Variants in SLC1A7 observed in about 807,000 individuals in gnomAD.
SLC1A7 encodes the protein solute carrier family 1 member 7.
In SLC1A7, 40 loss-of-function variants were observed where a neutral mutation model predicts 47.7. The observed-to-expected ratio is 0.84, with a 90% confidence interval of 0.65 to 1.09. The LOEUF is 1.09. SLC1A7 is among the 50% of genes least tolerant of loss of function. The probability of loss-of-function intolerance (pLI) is 0.00; values close to 1 mark genes in which losing one functional copy is unlikely to be tolerated. For missense variants in SLC1A7, 746 were observed against 769.5 expected (o/e 0.97, Z 0.36); for synonymous variants, 323 against 325.6 (o/e 0.99, Z 0.09).
chr1:53,092,352 G>A (rs770518170), intron 7 of SLC1A7, among the ~76,000 whole-genome samples: 3 of 152,236 alleles, frequency 2.0e-5, no homozygotes, highest in East Asian at 3.8e-4. Flanking sequence ...GACTGGGGCC[G>A]TGGGGGAAGG....
At position 53,124,292 on chromosome 1, in the gene SLC1A7, C is replaced by T. The variant is rs1429030331; in HGVS notation, c.216-9319G>A. Among the ~76,000 whole-genome samples, 3 of 142,684 alleles carry T rather than the reference C, an allele frequency of 2.1e-5. No individual in the cohort carries two copies. The East Asian group carries it at 6.1e-4, about 29-fold the overall frequency. The allele number at this position is 142,684 out of a possible 152,430, so 93.6% of individuals were successfully genotyped here. On this transcript the variant is annotated intron_variant, in intron 2 of 10. Coordinates refer to ENST00000371494, the MANE Select transcript of SLC1A7 (RefSeq NM_006671.6). ...CACACACACACACACACACACACAA[C>T]ACAGCTTCACAGACAAACCCACACC... is the stretch of plus-strand genomic sequence containing the variant.
At position 53,094,385 on chromosome 1, in the gene SLC1A7, GGGA is replaced by G. The variant is rs1644460451; in HGVS notation, c.698-828_698-826del. Among the ~76,000 whole-genome samples, 38 of 152,340 alleles carry G rather than the reference GGGA, an allele frequency of 2.5e-4. No homozygotes were observed. The South Asian group carries it at 7.9e-3, about 32-fold the overall frequency. On this transcript the variant is annotated intron_variant, in intron 5 of 10. Coordinates refer to ENST00000371494, the MANE Select transcript of SLC1A7 (RefSeq NM_006671.6). ...GCTCTGTCAGGCCAGTCCTGAAACA[GGGA>G]CTGAGTGGCTGCCCTACCTCCTGGT...
At position 53,087,770 on chromosome 1, in the gene SLC1A7, T is replaced by C; in HGVS notation, c.*239A>G. On this transcript the variant is annotated 3_prime_UTR_variant, in exon 11 of 11. Transcript: ENST00000371494. Reference sequence around the variant, plus strand: ...CTCACCGGGCTCACACCGGGGAAACTGTCACAGCGGGGCCTCAGGCAATGC... The same window carrying C: ...CTCACCGGGCTCACACCGGGGAAACCGTCACAGCGGGGCCTCAGGCAATGC... 1 of 355,854 alleles carries C rather than the reference T, an allele frequency of 2.8e-6. No individual in the cohort carries two copies. The highest frequency in any genetic ancestry group is 4.0e-5 in the East Asian group (1 of 24,836). The allele number at this position is 355,854 out of a possible 1,614,324, so 22.0% of individuals were successfully genotyped here.
At chr1:53,126,174 A>G (rs1383600) in intron 2 of SLC1A7, among the ~76,000 whole-genome samples, 47,467 of 151,782 alleles carry the variant, frequency 0.31, 10,171 homozygotes, top group African/African-American at 0.6. Context: ...TAAAACACCC[A>G]CCCCTCTGCA....
chr1:53,121,226 T>C (rs1644822171), intron 2 of SLC1A7, among the ~76,000 whole-genome samples: 3 of 152,172 alleles, frequency 2.0e-5, no homozygotes, highest in African/African-American at 7.2e-5. Context: ...GTTGCTGATG[T>C]GTGTGATGCT....
At chr1:53,097,698 A>C (rs1449955307) in intron 5 of SLC1A7, among the ~76,000 whole-genome samples, 1 of 150,028 alleles carries the variant, frequency 6.7e-6, no homozygotes, top group East Asian at 2.0e-4. Flanking sequence ...ACACTCATAC[A>C]ACCCACCACA....
intron 10 of SLC1A7, among the ~76,000 whole-genome samples, 191 bp downstream of exon 10, chr1:53,088,686 C>G (rs1441744332): frequency 1.3e-5 from 2 of 152,198 alleles, no homozygotes; most frequent in Non-Finnish European, 2.9e-5. Context: ...TCAGCGCCAG[C>G]CACAGCGGGT....
At chr1:53,142,271 C>G (rs118187275) in intron 1 of SLC1A7, 44 bp downstream of exon 1, 1 of 1,540,016 alleles carries the variant, frequency 6.5e-7, no homozygotes, top group African/African-American at 1.4e-5. Flanking sequence ...CAGGCCCACA[C>G]GCCCCTCCTG....
chr1:53,135,548 T>G (rs907487983), intron 1 of SLC1A7, among the ~76,000 whole-genome samples: 2 of 152,228 alleles, frequency 1.3e-5, no homozygotes, highest in Non-Finnish European at 2.9e-5. Context: ...GATCTCTGAC[T>G]AAGGCGCCAA....
intron 5 of SLC1A7, among the ~76,000 whole-genome samples, chr1:53,101,638 C>T (rs1644582799): frequency 6.6e-6 from 1 of 150,834 alleles, no homozygotes; most frequent in Non-Finnish European, 1.5e-5. Flanking sequence ...ACTCACACAC[C>T]TTGCCTCGGT....
chr1:53,091,797 T>TGGAGCTC (rs1172764212), intron 7 of SLC1A7, among the ~76,000 whole-genome samples: 6 of 152,200 alleles, frequency 3.9e-5, no homozygotes, highest in African/African-American at 1.4e-4. Flanking sequence ...TCCCTTAATG[T>TGGAGCTC]GGAGCTCAGA....
At chr1:53,093,657 C>T in intron 5 of SLC1A7, 97 bp from the exon 6 acceptor site, 1 of 835,456 alleles carries the variant, frequency 1.2e-6, no homozygotes, top group Non-Finnish European at 1.9e-6. Flanking sequence ...CCTTGATGCT[C>T]CAGCACTCCC....
intron 5 of SLC1A7, among the ~76,000 whole-genome samples, chr1:53,095,776 TCA>T (rs571741686): frequency 6.8e-6 from 1 of 146,312 alleles, no homozygotes; most frequent in Non-Finnish European, 1.5e-5. Context: ...CTTGTTACAC[TCA>T]CACACCCCAC....
intron 3 of SLC1A7, among the ~76,000 whole-genome samples, chr1:53,109,737 A>C (rs983513033): frequency 2.0e-5 from 3 of 152,210 alleles, no homozygotes; most frequent in African/African-American, 4.8e-5. Flanking sequence ...CAGTGTCCCC[A>C]TCTCCTTCAC....
intron 1 of SLC1A7, among the ~76,000 whole-genome samples, chr1:53,139,676 C>G (rs1315906231): frequency 1.3e-5 from 2 of 152,258 alleles, no homozygotes; most frequent in Non-Finnish European, 2.9e-5. Context: ...TCAACTTCCA[C>G]AGACTAAGAT....
At chr1:53,104,970 G>A (rs79874017) in intron 4 of SLC1A7, among the ~76,000 whole-genome samples, 9,658 of 152,228 alleles carry the variant, frequency 0.063, 699 homozygotes, top group East Asian at 0.24. Context: ...ATAAATTACA[G>A]CGCAGCCTTA....
intron 5 of SLC1A7, among the ~76,000 whole-genome samples, chr1:53,095,974 C>T (rs1162184725): frequency 6.6e-6 from 1 of 150,710 alleles, no homozygotes; most frequent in African/African-American, 2.5e-5. Context: ...CATTCACACA[C>T]ACCACCTTGG....
intron 3 of SLC1A7, among the ~76,000 whole-genome samples, chr1:53,109,831 C>A (rs563691566): frequency 6.6e-6 from 1 of 152,250 alleles, no homozygotes; most frequent in South Asian, 2.1e-4. Flanking sequence ...GGGGTGGGGG[C>A]GTGAGGGGCA....
intron 2 of SLC1A7, among the ~76,000 whole-genome samples, chr1:53,130,558 G>T (rs1644933016): frequency 6.7e-6 from 1 of 150,348 alleles, no homozygotes; most frequent in African/African-American, 2.5e-5. Flanking sequence ...TGCCTTCCTG[G>T]GTCACAGCTT....
Sources: gnomAD v4.1 joint callset for allele counts (sites outside exome capture counted in the v4.1 genomes callset) on GRCh38, gnomAD v4.1.1 for gene constraint, MANE v1.5 for transcripts, NCBI Gene and HGNC (gene_info 2026-07-23, HGNC 2026-07-21) for gene names.